Variants in HS3ST4 observed in about 807,000 individuals in gnomAD.
HS3ST4 encodes heparan sulfate glucosamine 3-O-sulfotransferase 4.
Under a neutral mutation model 29.2 loss-of-function variants are expected in HS3ST4, and 17 were observed. That is an observed-to-expected ratio of 0.58 (90% confidence interval 0.40 to 0.87). The LOEUF is 0.87. HS3ST4 is among the 40% of genes least tolerant of loss of function. HS3ST4 has a pLI of 0.00. For missense variants in HS3ST4, 627 were observed against 634.5 expected, an observed-to-expected ratio of 0.99 and a Z score of 0.13; for synonymous variants, 314 against 285.7, an observed-to-expected ratio of 1.10 and a Z score of -1.00.
chr16:25,961,489 A>C (rs1473262170), intron 1 of HS3ST4, among the ~76,000 whole-genome samples: 1 of 152,216 alleles, frequency 6.6e-6, no homozygotes, highest in East Asian at 1.9e-4. Flanking sequence ...TGTATTGAGC[A>C]CTTACTTGGT....
At chr16:26,039,145 AC>A (rs1969610968) in intron 1 of HS3ST4, among the ~76,000 whole-genome samples, 2 of 152,150 alleles carry the variant, frequency 1.3e-5, no homozygotes, top group Non-Finnish European at 2.9e-5. Context: ...TTTTACATAC[AC>A]TTCTATAATA....
chr16:26,132,611 A>G (rs1899435074), intron 1 of HS3ST4, among the ~76,000 whole-genome samples: 1 of 152,212 alleles, frequency 6.6e-6, no homozygotes, highest in Non-Finnish European at 1.5e-5. Flanking sequence ...CAAGATCCAC[A>G]AAGATCTTGA....
At chr16:25,869,388 C>G (rs1051986609) in intron 1 of HS3ST4, among the ~76,000 whole-genome samples, 1 of 152,184 alleles carries the variant, frequency 6.6e-6, no homozygotes, top group Non-Finnish European at 1.5e-5. Context: ...AGGAAGCAGA[C>G]TGGTGCTGAA....
At chr16:26,107,349 CAA>C (rs925172143) in intron 1 of HS3ST4, among the ~76,000 whole-genome samples, 3 of 73,676 alleles carry the variant, frequency 4.1e-5, no homozygotes, top group Admixed American at 3.8e-4. Flanking sequence ...GATTGGCATA[CAA>C]ACACACACAC....
intron 1 of HS3ST4, among the ~76,000 whole-genome samples, chr16:25,706,524 C>A (rs1039648360): frequency 6.6e-6 from 1 of 152,054 alleles, no homozygotes; most frequent in African/African-American, 2.4e-5. Flanking sequence ...TAATGCTCTC[C>A]GTCCCCTAGC....
At chr16:25,949,168 A>C (rs562582526) in intron 1 of HS3ST4, among the ~76,000 whole-genome samples, 2 of 152,204 alleles carry the variant, frequency 1.3e-5, no homozygotes, top group African/African-American at 4.8e-5. Context: ...ATCGTGGAGA[A>C]TGGGGTATCC....
intron 1 of HS3ST4, among the ~76,000 whole-genome samples, chr16:26,110,413 TC>T (rs1393334824): frequency 6.6e-6 from 1 of 152,110 alleles, no homozygotes; most frequent in African/African-American, 2.4e-5. Flanking sequence ...GAAGCAGATC[TC>T]CTGACCTCCC....
chr16:25,729,391 C>T (rs921370781), intron 1 of HS3ST4, among the ~76,000 whole-genome samples: 3 of 152,160 alleles, frequency 2.0e-5, no homozygotes, highest in African/African-American at 7.2e-5. Flanking sequence ...ACAGCACGCC[C>T]ACATCCTTCT....
At chr16:25,919,699 A>G (rs963472217) in intron 1 of HS3ST4, among the ~76,000 whole-genome samples, 3 of 152,202 alleles carry the variant, frequency 2.0e-5, no homozygotes, top group African/African-American at 7.2e-5. Context: ...AGGAAGAATT[A>G]GGGAAATAGG....
chr16:25,761,800 T>A (rs532067096), intron 1 of HS3ST4, among the ~76,000 whole-genome samples: 1 of 152,162 alleles, frequency 6.6e-6, no homozygotes, highest in East Asian at 1.9e-4. Flanking sequence ...ACAGAGGGGT[T>A]GCCACGTGCC....
At chr16:25,811,025 G>A (rs994747409) in intron 1 of HS3ST4, among the ~76,000 whole-genome samples, 6 of 152,094 alleles carry the variant, frequency 3.9e-5, no homozygotes, top group African/African-American at 1.4e-4. Flanking sequence ...GACAATGATG[G>A]CACTTGATTA....
chr16:25,807,254 G>A (rs942502822), intron 1 of HS3ST4, among the ~76,000 whole-genome samples: 2 of 152,190 alleles, frequency 1.3e-5, no homozygotes, highest in East Asian at 1.9e-4. Flanking sequence ...GATTACAGGC[G>A]TGAGCCACCA....
At chr16:26,028,483 G>T (rs1376409632) in intron 1 of HS3ST4, among the ~76,000 whole-genome samples, 1 of 152,070 alleles carries the variant, frequency 6.6e-6, no homozygotes, top group Admixed American at 6.5e-5. Context: ...TCACTGTGTT[G>T]CCCAGGTTGG....
chr16:25,870,567 T>C (rs1286662764), intron 1 of HS3ST4, among the ~76,000 whole-genome samples: 3 of 152,046 alleles, frequency 2.0e-5, no homozygotes, highest in South Asian at 2.1e-4. Context: ...AATGTAGACA[T>C]AGTGAAATGA....
At chr16:25,883,057 A>G (rs546557045) in intron 1 of HS3ST4, among the ~76,000 whole-genome samples, 1 of 151,230 alleles carries the variant, frequency 6.6e-6, no homozygotes, top group East Asian at 2.0e-4. Context: ...TTATTATCTC[A>G]TATTCCACTG....
chr16:25,818,207 A>G (rs1400286426), intron 1 of HS3ST4, among the ~76,000 whole-genome samples: 2 of 152,204 alleles, frequency 1.3e-5, no homozygotes, highest in African/African-American at 2.4e-5. Flanking sequence ...TTTAATCTCC[A>G]GTGTGATGGT....
intron 1 of HS3ST4, among the ~76,000 whole-genome samples, chr16:25,711,192 T>C (rs1413668067): frequency 6.6e-6 from 1 of 152,086 alleles, no homozygotes; most frequent in African/African-American, 2.4e-5. Context: ...CGATGTCTAC[T>C]TACTGTCGTT....
chr16:25,706,014 T>A (rs1046995110), intron 1 of HS3ST4, among the ~76,000 whole-genome samples: 3 of 152,230 alleles, frequency 2.0e-5, no homozygotes, highest in South Asian at 2.1e-4. Context: ...AGCACTCTTA[T>A]AAAGTTAGAT....
At chr16:25,803,917 T>A (rs1047616811) in intron 1 of HS3ST4, among the ~76,000 whole-genome samples, 1 of 152,040 alleles carries the variant, frequency 6.6e-6, no homozygotes, top group African/African-American at 2.4e-5. Context: ...AGTGAGTCCT[T>A]TCATTTTTCA....
Sources: allele counts gnomAD v4.1 joint callset (sites outside exome capture counted in the v4.1 genomes callset), GRCh38; gene constraint gnomAD v4.1.1; transcripts MANE v1.5; gene names NCBI Gene and HGNC (gene_info 2026-07-23, HGNC 2026-07-21).